The following SKAP2 variants were observed in gnomAD, a reference collection of about 807,000 sequenced individuals.
SKAP2 encodes the protein src kinase-associated phosphoprotein 2.
In SKAP2, 28 loss-of-function variants were observed where a neutral mutation model predicts 54.9. That is an observed-to-expected ratio of 0.51 (90% CI 0.38 to 0.70). SKAP2 has a LOEUF of 0.70. Among genes scored for constraint, SKAP2 ranks in the 30% least tolerant of loss-of-function variants. SKAP2 has a pLI of 0.00. For synonymous variants in SKAP2, 137 were observed against 134.3 expected, an observed-to-expected ratio of 1.02 and a Z score of -0.14; for missense variants, 356 against 424.1, an observed-to-expected ratio of 0.84 and a Z score of 1.41.
intron 4 of SKAP2, among the ~76,000 whole-genome samples, chr7:26,783,972 A>C (rs1783482952): frequency 6.6e-6 from 1 of 151,728 alleles, no homozygotes; most frequent in African/African-American, 2.4e-5. Flanking sequence ...TATAAGTCTT[A>C]GAAAAAAAAA....
chr7:26,836,901 A>T (rs1784725247), intron 4 of SKAP2, among the ~76,000 whole-genome samples: 1 of 152,242 alleles, frequency 6.6e-6, no homozygotes, highest in Admixed American at 6.5e-5. Context: ...TGTTTATCAC[A>T]GCACTGTTCA....
chr7:26,729,854 T>A (rs1314046710), intron 6 of SKAP2, among the ~76,000 whole-genome samples: 2 of 152,134 alleles, frequency 1.3e-5, no homozygotes, highest in Non-Finnish European at 2.9e-5. Flanking sequence ...CTTCATTCCA[T>A]CAAAGAAAGA....
rs528618894 is a variant in SKAP2 at position 26,743,386 on chromosome 7, A to G, written c.308-3422T>C. ...GTTGCTCAGAGAAAGTTAATCAGAA[A>G]TGAAATACAGGAAAAAGCATGATTC... On this transcript the variant is annotated intron_variant, in intron 4 of 12. Coordinates refer to ENST00000345317, the MANE Select transcript of SKAP2 (RefSeq NM_003930.5). 5.3e-5 allele frequency among the ~76,000 whole-genome samples: 8 copies of G among 152,320 alleles called. No individual in the cohort carries two copies. The East Asian group carries it at 1.5e-3, about 29-fold the overall frequency.
chr7:26,781,234 C>A (rs533302260), intron 4 of SKAP2, among the ~76,000 whole-genome samples: 1 of 152,198 alleles, frequency 6.6e-6, no homozygotes, highest in African/African-American at 2.4e-5. Flanking sequence ...GTGCATATTG[C>A]ATGACAGTAG....
chr7:26,721,965 A>G (rs1030928543), intron 9 of SKAP2, among the ~76,000 whole-genome samples: 5 of 152,154 alleles, frequency 3.3e-5, no homozygotes, highest in African/African-American at 4.8e-5. Context: ...AGCCAAATGA[A>G]CTCATTACCA....
At chr7:26,794,814 G>A (rs1479780924) in intron 4 of SKAP2, among the ~76,000 whole-genome samples, 1 of 151,840 alleles carries the variant, frequency 6.6e-6, no homozygotes, top group East Asian at 1.9e-4. Flanking sequence ...CTGGACTGTA[G>A]GAAGGTGGAT....
chr7:26,854,383 T>C (rs1785116615), intron 2 of SKAP2, among the ~76,000 whole-genome samples: 1 of 152,112 alleles, frequency 6.6e-6, no homozygotes, highest in African/African-American at 2.4e-5. Context: ...TGAGGATATA[T>C]CTTTAATACT....
intron 4 of SKAP2, among the ~76,000 whole-genome samples, chr7:26,761,835 G>A (rs912178674): frequency 1.3e-5 from 2 of 152,248 alleles, no homozygotes; most frequent in African/African-American, 4.8e-5. Flanking sequence ...AGGAGGCGGA[G>A]GTTGCAGTGA....
chr7:26,722,122 A>C (rs1787591444), intron 9 of SKAP2, among the ~76,000 whole-genome samples: 1 of 152,246 alleles, frequency 6.6e-6, no homozygotes, highest in African/African-American at 2.4e-5. Flanking sequence ...GGATATTTGA[A>C]GAAAAGCCAA....
Position 26,698,390 on chromosome 7 carries a change from T to C in SKAP2, c.797-8028A>G, listed in dbSNP as rs374286474. ...AATAATACTAAGACATTATGTGTCTTTTTCACTATGTTAACATTTGCACTG... is the reference window on the plus strand; with the variant it reads ...AATAATACTAAGACATTATGTGTCTCTTTCACTATGTTAACATTTGCACTG... On this transcript the variant is annotated intron_variant, in intron 9 of 12. Transcript: ENST00000345317. Among the ~76,000 whole-genome samples, 42 of 152,302 alleles carry C rather than the reference T, an allele frequency of 2.8e-4. No homozygotes were observed. The South Asian group carries it at 4.4e-3, about 16-fold the overall frequency.
chr7:26,829,228 A>G (rs1784555440), intron 4 of SKAP2, among the ~76,000 whole-genome samples: 1 of 152,114 alleles, frequency 6.6e-6, no homozygotes, highest in East Asian at 1.9e-4. Flanking sequence ...AGAACTTAAC[A>G]ATAAATAGGC....
chr7:26,752,462 C>T (rs1782707337), intron 4 of SKAP2, among the ~76,000 whole-genome samples: 1 of 151,978 alleles, frequency 6.6e-6, no homozygotes, highest in Non-Finnish European at 1.5e-5. Context: ...AACGAGGAGG[C>T]CCAAGTATAC....
chr7:26,726,717 A>G (rs527639502), intron 7 of SKAP2, 165 bp downstream of exon 7: 1 of 513,110 alleles, frequency 1.9e-6, no homozygotes, highest in Non-Finnish European at 3.2e-6. Flanking sequence ...TGAAATTTTT[A>G]AAAATTTCCT....
At chr7:26,780,831 T>C in intron 4 of SKAP2, among the ~76,000 whole-genome samples, 1 of 152,072 alleles carries the variant, frequency 6.6e-6, no homozygotes, top group African/African-American at 2.4e-5. Context: ...GTCTAATTCA[T>C]GGGCCCAATC....
chr7:26,828,406 G>A (rs536307069), intron 4 of SKAP2, among the ~76,000 whole-genome samples: 49 of 152,282 alleles, frequency 3.2e-4, no homozygotes, highest in African/African-American at 1.1e-3. Flanking sequence ...GGCCGGGCGC[G>A]GTGGCTAACA....
At chr7:26,767,623 C>A (rs777765392) in intron 4 of SKAP2, among the ~76,000 whole-genome samples, 1 of 152,220 alleles carries the variant, frequency 6.6e-6, no homozygotes, top group Non-Finnish European at 1.5e-5. Context: ...CCTCTAAACA[C>A]TGCTTTAGCT....
chr7:26,844,501 A>G (rs1445092381), intron 3 of SKAP2, among the ~76,000 whole-genome samples: 1 of 152,052 alleles, frequency 6.6e-6, no homozygotes, highest in African/African-American at 2.4e-5. Flanking sequence ...AGTAACAACA[A>G]CAACAACAAA....
At chr7:26,680,357 T>G (rs1035497883) in intron 11 of SKAP2, among the ~76,000 whole-genome samples, 1 of 152,218 alleles carries the variant, frequency 6.6e-6, no homozygotes, top group African/African-American at 2.4e-5. Flanking sequence ...AGGAAAATAC[T>G]GTTAGCTATA....
chr7:26,857,329 A>ACAAAAAAAAAAAAAAAAAAAAC (rs1379346786), intron 1 of SKAP2: 2 of 268,504 alleles, frequency 7.4e-6, no homozygotes, highest in Non-Finnish European at 1.1e-5. Context: ...AAAAAAAAAA[A>ACAAAAAAAAAAAAAAAAAAAAC]AAAAAACTTT....
Sources: allele counts gnomAD v4.1 joint callset (sites outside exome capture counted in the v4.1 genomes callset), GRCh38; gene constraint gnomAD v4.1.1; transcripts MANE v1.5; gene names NCBI Gene and HGNC (gene_info 2026-07-23, HGNC 2026-07-21).